FSTL5: variants seen among roughly 807,000 people sequenced by gnomAD.
FSTL5 encodes the protein follistatin like 5, also known as follistatin-related protein 5.
A neutral mutation model predicts 89.1 loss-of-function variants in FSTL5; 62 were observed. The observed-to-expected ratio is 0.70, with a 90% CI of 0.57 to 0.86. FSTL5 has a LOEUF of 0.86. Among genes scored for constraint, FSTL5 ranks in the 40% least tolerant of loss-of-function variants. The pLI is 0.00. For missense variants in FSTL5, 1,057 were observed against 1,001.6 expected (o/e 1.06, Z -0.75); for synonymous variants, 383 against 346.2 (o/e 1.11, Z -1.18).
At chr4:161,459,815 G>A (rs1372500375) in intron 13 of FSTL5, among the ~76,000 whole-genome samples, 1 of 151,912 alleles carries the variant, frequency 6.6e-6, no homozygotes, top group Admixed American at 6.6e-5. Context: ...CTGATATATG[G>A]CTGTAATTCT....
rs192461127 is a variant in FSTL5, at chr4:162,066,296, A to G, written c.127-32638T>C. Among the ~76,000 whole-genome samples the G allele has an allele frequency of 2.5e-4, 17 of 67,664 alleles. No individual in the cohort carries two copies. The East Asian group carries it at 3.3e-3, about 13-fold the overall frequency. The allele number at this position is 67,664 out of a possible 152,430, so 44.4% of individuals were successfully genotyped here. A position where few individuals can be genotyped will look rare whatever the true frequency, so the allele number is the denominator to read the frequency against. ...GGTTCCTCCTCCTCCTCCTCCTCCT[A>G]CTTTTCTTCTTCTTCTTCTTCTTCT... On this transcript the variant is annotated intron_variant, in intron 2 of 15. Coordinates refer to ENST00000306100, the MANE Select transcript of FSTL5 (RefSeq NM_020116.5).
intron 3 of FSTL5, among the ~76,000 whole-genome samples, chr4:161,921,329 G>A (rs976843940): frequency 6.6e-6 from 1 of 152,070 alleles, no homozygotes; most frequent in Non-Finnish European, 1.5e-5. Context: ...ATATTTTCTT[G>A]TTACTTATTT....
intron 2 of FSTL5, among the ~76,000 whole-genome samples, chr4:162,078,745 G>A (rs543368273): frequency 3.6e-4 from 54 of 151,874 alleles, no homozygotes; most frequent in African/African-American, 1.3e-3. Flanking sequence ...GCAATTGAAA[G>A]AAGTAAATAA....
intron 2 of FSTL5, among the ~76,000 whole-genome samples, chr4:162,075,704 A>T (rs1277280384): frequency 6.6e-6 from 1 of 151,880 alleles, no homozygotes; most frequent in African/African-American, 2.4e-5. Context: ...CAGAAAGCTT[A>T]ATTTTTTCCT....
chr4:161,837,984 T>C (rs1330136719), intron 4 of FSTL5, among the ~76,000 whole-genome samples: 2 of 152,222 alleles, frequency 1.3e-5, no homozygotes, highest in Non-Finnish European at 2.9e-5. Flanking sequence ...CGGGCTTCTA[T>C]GCTTAAACAG....
chr4:162,094,650 A>G (rs991119002), intron 2 of FSTL5, among the ~76,000 whole-genome samples: 3 of 152,184 alleles, frequency 2.0e-5, no homozygotes, highest in African/African-American at 4.8e-5. Context: ...TATTCCATTT[A>G]TATAAATTTC....
chr4:161,642,449 TC>T (rs1735996942), intron 7 of FSTL5, among the ~76,000 whole-genome samples: 1 of 151,976 alleles, frequency 6.6e-6, no homozygotes, highest in African/African-American at 2.4e-5. Flanking sequence ...TATAAAAGAC[TC>T]ACTTTAGAAA....
intron 7 of FSTL5, among the ~76,000 whole-genome samples, chr4:161,618,610 A>C (rs1326141402): frequency 6.6e-6 from 1 of 152,106 alleles, no homozygotes; most frequent in East Asian, 1.9e-4. Flanking sequence ...GGTTCTGTTT[A>C]TATGCTGGAT....
chr4:161,934,731 G>A (rs1273102729), intron 3 of FSTL5, among the ~76,000 whole-genome samples: 1 of 151,820 alleles, frequency 6.6e-6, no homozygotes, highest in Non-Finnish European at 1.5e-5. Flanking sequence ...AATAGTGTCT[G>A]CCAGACATTA....
At chr4:161,675,971 T>C (rs139444319) in intron 6 of FSTL5, among the ~76,000 whole-genome samples, 2 of 152,264 alleles carry the variant, frequency 1.3e-5, no homozygotes, top group Non-Finnish European at 2.9e-5. Context: ...ATTTGTATGA[T>C]ACAATTGTAG....
intron 4 of FSTL5, among the ~76,000 whole-genome samples, chr4:161,783,335 C>T (rs1741736179): frequency 6.6e-6 from 1 of 152,012 alleles, no homozygotes; most frequent in South Asian, 2.1e-4. Context: ...AGAGCTAATG[C>T]TCTTAAGCAG....
At chr4:161,403,718 A>C (rs1731263059) in intron 15 of FSTL5, among the ~76,000 whole-genome samples, 1 of 152,220 alleles carries the variant, frequency 6.6e-6, no homozygotes, top group Non-Finnish European at 1.5e-5. Flanking sequence ...TGGTTAAAGC[A>C]AAAGCACATC....
At chr4:161,540,085 T>C (rs72685738) in intron 9 of FSTL5, among the ~76,000 whole-genome samples, 18,311 of 152,132 alleles carry the variant, frequency 0.12, 1,267 homozygotes, top group African/African-American at 0.18. Context: ...CATTCTTAGA[T>C]GTTACCACTT....
At chr4:161,973,582 C>T (rs1735545928) in intron 3 of FSTL5, among the ~76,000 whole-genome samples, 1 of 152,104 alleles carries the variant, frequency 6.6e-6, no homozygotes, top group Non-Finnish European at 1.5e-5. Flanking sequence ...TGAGTTAAAG[C>T]ATGAAAAACA....
At chr4:162,107,164 T>C (rs1395648391) in intron 2 of FSTL5, among the ~76,000 whole-genome samples, 1 of 152,162 alleles carries the variant, frequency 6.6e-6, no homozygotes, top group Non-Finnish European at 1.5e-5. Context: ...ACTACAAAAG[T>C]ACTCATTCTG....
chr4:161,425,627 G>A (rs1277705419), intron 15 of FSTL5, among the ~76,000 whole-genome samples: 1 of 152,142 alleles, frequency 6.6e-6, no homozygotes, highest in Non-Finnish European at 1.5e-5. Context: ...ACTACCACAA[G>A]GCATTAGAGA....
At chr4:161,931,824 T>C (rs1734293387) in intron 3 of FSTL5, among the ~76,000 whole-genome samples, 1 of 151,924 alleles carries the variant, frequency 6.6e-6, no homozygotes, top group East Asian at 1.9e-4. Flanking sequence ...GACAAGTCAT[T>C]TGTTAACAGC....
chr4:161,717,344 AG>A (rs1413745115), intron 6 of FSTL5, among the ~76,000 whole-genome samples: 3 of 152,190 alleles, frequency 2.0e-5, no homozygotes, highest in Non-Finnish European at 4.4e-5. Context: ...CTTTTTCATT[AG>A]GTGAAACTAT....
chr4:161,486,143 C>CAAAAAAAAAAAAAAAAAAAA (rs1278214856), intron 12 of FSTL5, among the ~76,000 whole-genome samples: 1 of 76,166 alleles, frequency 1.3e-5, no homozygotes, highest in Non-Finnish European at 2.7e-5. Flanking sequence ...GACTCCGTCT[C>CAAAAAAAAAAAAAAAAAAAA]AAAAAAAAAA....
Sources: gnomAD v4.1 joint callset for allele counts (sites outside exome capture counted in the v4.1 genomes callset) on GRCh38, gnomAD v4.1.1 for gene constraint, MANE v1.5 for transcripts, NCBI Gene and HGNC (gene_info 2026-07-23, HGNC 2026-07-21) for gene names.